MEIS2: variants seen among roughly 807,000 people sequenced by gnomAD.
MEIS2 encodes the protein homeobox protein Meis2.
MEIS2 carries 9 observed loss-of-function variants against 58.6 expected under a neutral mutation model. The observed-to-expected ratio is 0.15, with a 90% confidence interval of 0.09 to 0.27. The LOEUF is 0.27. MEIS2 is among the 10% of genes least tolerant of loss of function. The pLI is 1.00. For synonymous variants in MEIS2, 221 were observed against 228.4 expected (o/e 0.97, Z 0.29); for missense variants, 427 against 635.0 (o/e 0.67, Z 3.52).
chr15:37,063,242 G>C (rs567145231), intron 7 of MEIS2, among the ~76,000 whole-genome samples: 2 of 152,208 alleles, frequency 1.3e-5, no homozygotes, highest in African/African-American at 4.8e-5. Flanking sequence ...TGTTGCTCAG[G>C]GTGGACGCAA....
At position 36,892,068 on chromosome 15, in the gene MEIS2, C is replaced by A; in HGVS notation, c.*105G>T. 8.0e-7 allele frequency: 1 copy of A among 1,243,200 alleles called. No individual in the cohort carries two copies. 77.0% of individuals were successfully genotyped at this position (1,243,200 alleles called of 1,614,324 possible). On this transcript the variant is annotated 3_prime_UTR_variant, in exon 12 of 12. Transcript: ENST00000561208. Reference sequence around the variant, plus strand: ...AAAAATGACAAAAGTAAAAAATAATCACAGCTGTCTGGAATTTCATATTAA... The same window carrying A: ...AAAAATGACAAAAGTAAAAAATAATAACAGCTGTCTGGAATTTCATATTAA...
chr15:36,928,382 G>A (rs1419357321), intron 9 of MEIS2, among the ~76,000 whole-genome samples: 2 of 152,178 alleles, frequency 1.3e-5, no homozygotes, highest in African/African-American at 2.4e-5. Flanking sequence ...AGTTCTCACA[G>A]TAATATTCTG....
intron 9 of MEIS2, chr15:36,897,816 G>A (rs909715499): frequency 6.6e-6 from 1 of 152,086 alleles, no homozygotes; most frequent in Non-Finnish European, 1.5e-5. Flanking sequence ...AAGCACAGGG[G>A]GACTTCATGA....
chr15:36,928,530 A>G (rs1354613842), intron 9 of MEIS2, among the ~76,000 whole-genome samples: 3 of 152,164 alleles, frequency 2.0e-5, no homozygotes, highest in Admixed American at 6.5e-5. Flanking sequence ...ACTGTATCCT[A>G]CTGCCTCTTC....
chr15:37,070,579 A>G (rs1000281133), intron 7 of MEIS2, among the ~76,000 whole-genome samples: 3 of 152,152 alleles, frequency 2.0e-5, no homozygotes, highest in Non-Finnish European at 1.5e-5. Context: ...GCAGCTTTCA[A>G]TCTATTTAAC....
intron 6 of MEIS2, among the ~76,000 whole-genome samples, chr15:37,093,052 T>G (rs929913344): frequency 2.6e-5 from 4 of 152,342 alleles, no homozygotes; most frequent in African/African-American, 9.6e-5. Context: ...GCAAAAGCCC[T>G]GAGAATTGTA....
chr15:36,933,679 ACT>A (rs1286329862), intron 9 of MEIS2, among the ~76,000 whole-genome samples: 3 of 152,148 alleles, frequency 2.0e-5, no homozygotes, highest in Non-Finnish European at 4.4e-5. Flanking sequence ...GTGAAATCGT[ACT>A]ACCTGTTTCA....
chr15:36,940,171 C>T (rs146332557), intron 9 of MEIS2, among the ~76,000 whole-genome samples: 435 of 152,106 alleles, frequency 2.9e-3, no homozygotes, highest in African/African-American at 0.01. Context: ...GGGTTATGGC[C>T]CCATTTCCAG....
chr15:36,918,160 C>T (rs1046323294), intron 9 of MEIS2, among the ~76,000 whole-genome samples: 3 of 152,200 alleles, frequency 2.0e-5, no homozygotes, highest in Admixed American at 6.5e-5. Flanking sequence ...ATTAATTTCA[C>T]ATCTTAGGGA....
chr15:36,995,741 G>GA (rs1170892397), intron 8 of MEIS2, among the ~76,000 whole-genome samples: 28 of 38,122 alleles, frequency 7.3e-4, no homozygotes, highest in Admixed American at 9.2e-4. Context: ...ACAAAGAAAA[G>GA]AAAAGAAAGA....
chr15:36,899,859 C>A (rs1047268016), intron 9 of MEIS2, among the ~76,000 whole-genome samples: 2 of 152,126 alleles, frequency 1.3e-5, no homozygotes, highest in Non-Finnish European at 2.9e-5. Flanking sequence ...GAATTTCACA[C>A]GGGTTTAAAA....
chr15:37,026,018 C>CCCCATGTT (rs2141692405), intron 8 of MEIS2, among the ~76,000 whole-genome samples: 1 of 152,056 alleles, frequency 6.6e-6, no homozygotes, highest in South Asian at 2.1e-4. Flanking sequence ...ATAATAATGA[C>CCCCATGTT]CCCATGTTCC....
At position 37,098,642 on chromosome 15, in the gene MEIS2, C is replaced by G. The variant is rs540482273; in HGVS notation, c.13-443G>C. On this transcript the variant is annotated intron_variant, in intron 1 of 11. Transcript: ENST00000561208. Reference sequence around the variant, plus strand: ...AGGGGGCGCCGGGAGGCCCCGCTCCCGCCGGAGGCAACAGAACCGTAGCGA... The same window carrying G: ...AGGGGGCGCCGGGAGGCCCCGCTCCGGCCGGAGGCAACAGAACCGTAGCGA... 248 of 193,624 alleles carry G rather than the reference C, an allele frequency of 1.3e-3. 1 individual carries two copies. Among genetic ancestry groups the G allele is most frequent in the African/African-American group, 5.7e-3 (243 of 42,448 alleles). The allele number at this position is 193,624 out of a possible 1,614,324, so 12.0% of individuals were successfully genotyped here.
At chr15:36,954,825 A>G (rs2141405906) in intron 8 of MEIS2, among the ~76,000 whole-genome samples, 1 of 152,312 alleles carries the variant, frequency 6.6e-6, no homozygotes, top group South Asian at 2.1e-4. Flanking sequence ...GTGGAAACTG[A>G]TCATTATGCA....
At chr15:37,069,391 G>A (rs1296462498) in intron 7 of MEIS2, among the ~76,000 whole-genome samples, 2 of 152,124 alleles carry the variant, frequency 1.3e-5, no homozygotes, top group East Asian at 1.9e-4. Context: ...GCTATGAAGC[G>A]TTCAAAATCT....
rs1179373168 is a variant in MEIS2 at position 36,998,128 on chromosome 15, G to T, written c.900+38686C>A. On this transcript the variant is annotated intron_variant, in intron 8 of 11. Transcript: ENST00000561208. ...TCACGACGGGCTATAGGTTGTTCAT[G>T]TCCTCCTTAAAGGTGGATCCCATAA... Among the ~76,000 whole-genome samples, 3 of 151,688 alleles carry T rather than the reference G, an allele frequency of 2.0e-5. No individual in the cohort carries two copies. In the East Asian group the frequency reaches 5.8e-4, roughly 29 times the overall value.
At chr15:36,920,426 C>T (rs1595725778) in intron 9 of MEIS2, among the ~76,000 whole-genome samples, 1 of 152,182 alleles carries the variant, frequency 6.6e-6, no homozygotes, top group Non-Finnish European at 1.5e-5. Context: ...GGATTACAGG[C>T]GTGAGCCACG....
intron 7 of MEIS2, among the ~76,000 whole-genome samples, chr15:37,081,572 T>C (rs1028458965): frequency 6.6e-6 from 1 of 152,220 alleles, no homozygotes. Context: ...TTTTAAAGTC[T>C]GCTGTAAAAA....
intron 8 of MEIS2, among the ~76,000 whole-genome samples, chr15:36,995,507 GA>G (rs1297952045): frequency 6.6e-6 from 1 of 151,332 alleles, no homozygotes; most frequent in Non-Finnish European, 1.5e-5. Context: ...CTTCAAAAAA[GA>G]AATTTAGTGA....
Sources: allele counts gnomAD v4.1 joint callset (sites outside exome capture counted in the v4.1 genomes callset), GRCh38; gene constraint gnomAD v4.1.1; transcripts MANE v1.5; gene names NCBI Gene and HGNC (gene_info 2026-07-23, HGNC 2026-07-21).